The following ILDR1 variants were observed in gnomAD, a reference collection of about 807,000 sequenced individuals.
ILDR1 encodes the protein immunoglobulin-like domain-containing receptor 1.
Under a neutral mutation model 62.4 loss-of-function variants are expected in ILDR1, and 56 were observed. That is an observed-to-expected ratio of 0.90 (90% confidence interval 0.72 to 1.12). The LOEUF (loss-of-function observed/expected upper bound fraction) is 1.12. Among genes scored for constraint, ILDR1 ranks in the 50% most tolerant of loss-of-function variants. The pLI is 0.00. For missense variants in ILDR1, 736 were observed against 710.6 expected (o/e 1.04, Z -0.41); for synonymous variants, 284 against 277.8 (o/e 1.02, Z -0.22).
At chr3:122,031,456 G>A in the ILDR1 span, among the ~76,000 whole-genome samples, 1 of 152,138 alleles carries the variant, frequency 6.6e-6, no homozygotes, top group East Asian at 1.9e-4. Context: ...TATGCTTTGA[G>A]GCCTGCCACA....
chr3:122,038,353 C>T, the ILDR1 span, among the ~76,000 whole-genome samples: 4 of 152,190 alleles, frequency 2.6e-5, no homozygotes, highest in Non-Finnish European at 5.9e-5. Flanking sequence ...GAGAAACACT[C>T]TGGCAAATAG....
At chr3:122,005,798 C>T (rs2071599268) in intron 2 of ILDR1, among the ~76,000 whole-genome samples, 2 of 152,178 alleles carry the variant, frequency 1.3e-5, no homozygotes, top group South Asian at 4.2e-4. Flanking sequence ...ACTCGGGAGG[C>T]TAAGGCAGGA....
At chr3:122,034,641 TTG>T in the ILDR1 span, among the ~76,000 whole-genome samples, 1 of 109,122 alleles carries the variant, frequency 9.2e-6, no homozygotes, top group African/African-American at 3.3e-5. Flanking sequence ...AGGTTTTTTG[TTG>T]TTGTTGTTGT....
chr3:122,005,499 T>G (rs958362604), intron 2 of ILDR1, 106 bp from the exon 3 acceptor site: 3 of 1,207,762 alleles, frequency 2.5e-6, no homozygotes, highest in Non-Finnish European at 3.6e-6. Flanking sequence ...GTCTCAATTT[T>G]TCCCAAGACT....
intron 5 of ILDR1, among the ~76,000 whole-genome samples, chr3:121,995,174 T>C (rs545019351): frequency 2.3e-4 from 35 of 152,302 alleles, no homozygotes; most frequent in Non-Finnish European, 2.5e-4. Flanking sequence ...TTTTTGTTTG[T>C]GCTTTTCTAT....
the ILDR1 span, among the ~76,000 whole-genome samples, chr3:122,038,267 A>T: frequency 8.5e-5 from 13 of 152,224 alleles, no homozygotes; most frequent in African/African-American, 2.9e-4. Flanking sequence ...AGACAAATTC[A>T]TTCTGTGGAG....
the ILDR1 span, among the ~76,000 whole-genome samples, chr3:122,053,655 C>T: frequency 6.6e-6 from 1 of 152,162 alleles, no homozygotes; most frequent in African/African-American, 2.4e-5. Context: ...GCCAGGATTA[C>T]AGGTATGTGC....
intron 1 of ILDR1, among the ~76,000 whole-genome samples, chr3:122,020,501 T>C (rs1216965095): frequency 6.6e-6 from 1 of 152,248 alleles, no homozygotes; most frequent in African/African-American, 2.4e-5. Context: ...TTCTCATCTA[T>C]AAAGTGAACG....
chr3:122,015,775 C>A (rs573561569), intron 1 of ILDR1, among the ~76,000 whole-genome samples: 3 of 152,330 alleles, frequency 2.0e-5, no homozygotes, highest in Admixed American at 2.0e-4. Flanking sequence ...AGTCTACAAT[C>A]AGATTGGGCT....
the ILDR1 span, among the ~76,000 whole-genome samples, chr3:122,044,672 C>G: frequency 6.6e-6 from 1 of 150,986 alleles, no homozygotes; most frequent in Admixed American, 6.6e-5. Context: ...AGGAATTTAT[C>G]CATTTCTTCT....
the ILDR1 span, among the ~76,000 whole-genome samples, chr3:122,046,790 C>T: frequency 4.3e-3 from 589 of 136,202 alleles, 1 homozygote; most frequent in African/African-American, 0.016. Flanking sequence ...AAGCACTTCC[C>T]TGTATTGGTT....
chr3:122,045,805 T>C, the ILDR1 span, among the ~76,000 whole-genome samples: 1 of 149,678 alleles, frequency 6.7e-6, no homozygotes, highest in Non-Finnish European at 1.5e-5. Context: ...TTTGAGCCTA[T>C]GTGTGTCTCT....
chr3:122,018,395 G>GT (rs1491380011), intron 1 of ILDR1, among the ~76,000 whole-genome samples: 2 of 108,034 alleles, frequency 1.9e-5, no homozygotes, highest in Non-Finnish European at 4.0e-5. Flanking sequence ...CTGTTGGGGT[G>GT]GGGGGGGGGT....
At chr3:122,004,914 GC>G (rs1459265486) in intron 3 of ILDR1, among the ~76,000 whole-genome samples, 1 of 152,124 alleles carries the variant, frequency 6.6e-6, no homozygotes, top group Non-Finnish European at 1.5e-5. Flanking sequence ...GGCCCTGAGA[GC>G]AATTTGTGGA....
At chr3:122,055,391 T>TA in the ILDR1 span, 1 of 1,216,696 alleles carries the variant, frequency 8.2e-7, no homozygotes, top group South Asian at 1.2e-5. Flanking sequence ...TTGCACAGGG[T>TA]GAAAGCTTTG....
At chr3:122,007,667 C>G (rs950390998) in intron 1 of ILDR1, among the ~76,000 whole-genome samples, 2 of 152,174 alleles carry the variant, frequency 1.3e-5, no homozygotes, top group Non-Finnish European at 2.9e-5. Context: ...TTTCTTCAGT[C>G]CTTCCCATGC....
At chr3:122,045,366 G>T in the ILDR1 span, among the ~76,000 whole-genome samples, 2 of 151,074 alleles carry the variant, frequency 1.3e-5, no homozygotes, top group African/African-American at 2.4e-5. Context: ...AATAGGTGTG[G>T]TGTGGTGCTG....
the ILDR1 span, among the ~76,000 whole-genome samples, chr3:122,047,354 G>A: frequency 6.6e-6 from 1 of 152,220 alleles, no homozygotes; most frequent in Admixed American, 6.5e-5. Flanking sequence ...AGTCTGCAGA[G>A]GTTACTGCTG....
Position 121,994,166 on chromosome 3 carries a change from C to A in ILDR1, c.778+16G>T, listed in dbSNP as rs1328654995. 3 of 1,535,830 alleles carry A rather than the reference C, an allele frequency of 2.0e-6. No individual in the cohort carries two copies. Among genetic ancestry groups the A allele is most frequent in the Middle Eastern group, 1.7e-4 (1 of 6,012 alleles). ...CCCTCTGCCCTCCCCTATCCCAAAT[C>A]TCTGGAAGAGTTTACCTCGCTGCAG... On this transcript the variant is annotated intron_variant, in intron 6 of 7. Transcript: ENST00000344209.
Sources: gnomAD v4.1 joint callset for allele counts (sites outside exome capture counted in the v4.1 genomes callset) on GRCh38, gnomAD v4.1.1 for gene constraint, MANE v1.5 for transcripts, NCBI Gene and HGNC (gene_info 2026-07-23, HGNC 2026-07-21) for gene names.